The following GOLGA4 variants were observed in gnomAD, a reference collection of about 807,000 sequenced individuals.
GOLGA4 encodes the protein golgin A4.
Under a neutral mutation model 265.9 loss-of-function variants are expected in GOLGA4, and 169 were observed. The ratio of observed to expected loss-of-function variants is 0.64; its 90% CI spans 0.56 to 0.72. GOLGA4 has a LOEUF of 0.72. Among genes scored for constraint, GOLGA4 ranks in the 30% least tolerant of loss-of-function variants. GOLGA4 has a pLI of 0.00. For missense variants in GOLGA4, 2,482 were observed against 2,483.4 expected (o/e 1.00, Z 0.01); for synonymous variants, 923 against 855.8 (o/e 1.08, Z -1.37).
chr3:37,324,583 G>C lies in GOLGA4; in HGVS notation c.2697G>C (p.Gln899His). ...ESKLEDGNKE[Q>H]EQTKQILVEK... ...AACTTGAAGATGGTAACAAAGAACA[G>C]GAACAGACAAAGCAAATCTTGGTGG... The change falls in exon 14 of 24, where the codon CAG becomes CAC. Residue 899 changes from glutamine to histidine, a missense_variant. Coordinates refer to ENST00000361924, the MANE Select transcript of GOLGA4 (RefSeq NM_002078.5). 1 of 1,613,582 alleles carries C rather than the reference G, an allele frequency of 6.2e-7. No homozygotes were observed. The highest frequency in any genetic ancestry group is 8.5e-7 in the Non-Finnish European group (1 of 1,179,832).
At chr3:37,356,948 T>C (rs2097092437) in intron 22 of GOLGA4, among the ~76,000 whole-genome samples, 1 of 152,190 alleles carries the variant, frequency 6.6e-6, no homozygotes, top group Admixed American at 6.5e-5. Context: ...CTAGCAAATG[T>C]GGTAGGAAAC....
chr3:37,247,114 T>TA (rs1248988622), intron 1 of GOLGA4, among the ~76,000 whole-genome samples: 15 of 152,204 alleles, frequency 9.9e-5, no homozygotes, highest in Admixed American at 2.0e-4. Flanking sequence ...AAGGCTTTAA[T>TA]AAGTTTGGTA....
chr3:37,243,803 T>G (rs1367575623), intron 1 of GOLGA4, 181 bp downstream of exon 1: 6 of 590,912 alleles, frequency 1.0e-5, no homozygotes, highest in Non-Finnish European at 1.8e-5. Flanking sequence ...ACTCCTGACC[T>G]GGATTTTCCC....
At chr3:37,300,929 TTTGA>T (rs1483919581) in intron 9 of GOLGA4, among the ~76,000 whole-genome samples, 1 of 152,224 alleles carries the variant, frequency 6.6e-6, no homozygotes, top group Non-Finnish European at 1.5e-5. Flanking sequence ...AATTTACTGG[TTTGA>T]TTATCTTCTC....
intron 2 of GOLGA4, among the ~76,000 whole-genome samples, chr3:37,275,235 A>AAAAG (rs2096812451): frequency 6.7e-6 from 1 of 149,996 alleles, no homozygotes; most frequent in African/African-American, 2.5e-5. Flanking sequence ...AAAAAAAAAA[A>AAAAG]AAAAAAGAAA....
At chr3:37,251,625 C>CTTTTT in intron 2 of GOLGA4, 141 bp downstream of exon 2, 2 of 476,484 alleles carry the variant, frequency 4.2e-6, no homozygotes, top group Non-Finnish European at 7.4e-6. Context: ...CACAATTGGT[C>CTTTTT]TTTTTTTTTT....
At chr3:37,286,228 A>G (rs2096848898) in intron 4 of GOLGA4, among the ~76,000 whole-genome samples, 167 bp downstream of exon 4, 1 of 130,252 alleles carries the variant, frequency 7.7e-6, no homozygotes, top group African/African-American at 2.9e-5. Flanking sequence ...ATCTCGGCTC[A>G]CTGCAAGCTC....
chr3:37,331,289 A>T (rs1249606308), intron 16 of GOLGA4, among the ~76,000 whole-genome samples: 8 of 152,166 alleles, frequency 5.3e-5, no homozygotes. Flanking sequence ...TCAAGTTCTC[A>T]CTAGCCACAG....
chr3:37,260,742 C>T (rs1054817782), intron 2 of GOLGA4, among the ~76,000 whole-genome samples: 8 of 152,130 alleles, frequency 5.3e-5, no homozygotes, highest in Admixed American at 4.6e-4. Context: ...TTTTTAGGCC[C>T]TTCCCCCAGT....
rs1334375273 is a variant in GOLGA4 at position 37,325,211 on chromosome 3, A to G, written c.3325A>G (p.Asn1109Asp). ...EEGVKQDTTL[N>D]ELQEQLKQKS... is the part of the protein sequence containing the mutation. ...AGGTGTTAAGCAGGATACAACATTA[A>G]ATGAATTACAGGAACAGTTAAAGCA... Residue 1109 changes from asparagine (N) to aspartate (D), a missense_variant, in exon 14 of 24, where the codon AAT becomes GAT. Transcript: ENST00000361924. The G allele has an allele frequency of 6.2e-7, 1 of 1,613,172 alleles. No individual in the cohort carries two copies. The highest frequency in any genetic ancestry group is 8.5e-7 in the Non-Finnish European group (1 of 1,179,388).
In GOLGA4 at chr3:37,325,759, T is replaced by C. The variant is rs375300493; in HGVS notation, c.3873T>C (p.Ser1291=). 111 of 1,613,526 alleles carry C rather than the reference T, an allele frequency of 6.9e-5. No homozygotes were observed. The highest frequency in any genetic ancestry group is 5.4e-5 in the Non-Finnish European group (64 of 1,179,696). The change falls in exon 14 of 24, where the codon TCT becomes TCC. Residue 1291 remains serine (S), a synonymous_variant. Coordinates refer to ENST00000361924, the MANE Select transcript of GOLGA4 (RefSeq NM_002078.5). The part of the protein sequence containing the change: ...LTEEQNTLNI[S]FQQATHQLEE... ...AGGAGCAAAATACACTAAATATTTC[T>C]TTTCAACAGGCTACTCATCAGTTAG...
intron 5 of GOLGA4, 75 bp from the exon 6 acceptor site, chr3:37,294,904 A>G: frequency 1.2e-6 from 1 of 856,992 alleles, no homozygotes; most frequent in East Asian, 2.6e-5. Context: ...TGTATTCAAC[A>G]TGTTTTTAAA....
chr3:37,290,325 A>C (rs1353206407), intron 5 of GOLGA4, among the ~76,000 whole-genome samples: 1 of 152,218 alleles, frequency 6.6e-6, no homozygotes, highest in Non-Finnish European at 1.5e-5. Flanking sequence ...GTGAATTAAC[A>C]ATCAGAATTA....
chr3:37,359,402 C>G (rs2097098733), intron 22 of GOLGA4, among the ~76,000 whole-genome samples: 2 of 151,970 alleles, frequency 1.3e-5, no homozygotes. Flanking sequence ...AATTGAGATT[C>G]CTTTGTTATA....
At chr3:37,260,638 CA>C (rs11456184) in intron 2 of GOLGA4, among the ~76,000 whole-genome samples, 239 of 118,822 alleles carry the variant, frequency 2.0e-3, no homozygotes, top group Middle Eastern at 6.0e-3. Flanking sequence ...AACTCCGTCT[CA>C]AAAAAAAAAA....
intron 12 of GOLGA4, chr3:37,320,455 G>A (rs2096951692): frequency 6.6e-6 from 1 of 152,144 alleles, no homozygotes; most frequent in Non-Finnish European, 1.5e-5. Flanking sequence ...TAGCAGCAGT[G>A]ATTCTTGAAA....
chr3:37,299,062 G>C, intron 8 of GOLGA4, 42 bp downstream of exon 8: 2 of 1,466,556 alleles, frequency 1.4e-6, no homozygotes, highest in Non-Finnish European at 1.9e-6. Flanking sequence ...AATCTATAAA[G>C]TTAGATCCAC....
intron 23 of GOLGA4, among the ~76,000 whole-genome samples, chr3:37,363,700 G>T (rs1696520150): frequency 6.6e-6 from 1 of 152,120 alleles, no homozygotes; most frequent in African/African-American, 2.4e-5. Context: ...ATTACACTCA[G>T]GAAGTTTAAT....
chr3:37,246,960 A>G (rs2096721393), intron 1 of GOLGA4, among the ~76,000 whole-genome samples: 2 of 152,190 alleles, frequency 1.3e-5, no homozygotes, highest in African/African-American at 4.8e-5. Context: ...TTCCACAGAT[A>G]ACAGGGAAAA....
Sources: allele counts gnomAD v4.1 joint callset (sites outside exome capture counted in the v4.1 genomes callset), GRCh38; gene constraint gnomAD v4.1.1; transcripts MANE v1.5; gene names NCBI Gene and HGNC (gene_info 2026-07-23, HGNC 2026-07-21).